The following FHIP1A variants were observed in gnomAD, a reference collection of about 807,000 sequenced individuals.
FHIP1A encodes FHF complex subunit HOOK-interacting protein 1A.
Under a neutral mutation model 88.6 loss-of-function variants are expected in FHIP1A, and 61 were observed. The ratio of observed to expected loss-of-function variants is 0.69; its 90% confidence interval spans 0.56 to 0.85. FHIP1A has a LOEUF of 0.85. Among genes scored for constraint, FHIP1A ranks in the 40% least tolerant of loss-of-function variants. The probability of loss-of-function intolerance (pLI) is 0.00; values close to 1 mark genes in which losing one functional copy is unlikely to be tolerated. For missense variants in FHIP1A, 1,154 were observed against 1,273.5 expected (o/e 0.91, Z 1.43); for synonymous variants, 478 against 496.0 (o/e 0.96, Z 0.48).
intron 3 of FHIP1A, among the ~76,000 whole-genome samples, chr4:151,518,180 C>T (rs550197828): frequency 2.0e-5 from 3 of 152,078 alleles, no homozygotes; most frequent in Non-Finnish European, 4.4e-5. Flanking sequence ...TTTTATTTTT[C>T]ATACTGTGTT....
At chr4:151,563,094 G>A (rs2126766357) in intron 3 of FHIP1A, among the ~76,000 whole-genome samples, 1 of 151,920 alleles carries the variant, frequency 6.6e-6, no homozygotes, top group South Asian at 2.1e-4. Flanking sequence ...CCTTATTGAT[G>A]GAAAGTATTT....
At chr4:151,494,342 T>C (rs1386667329) in intron 3 of FHIP1A, among the ~76,000 whole-genome samples, 1 of 152,192 alleles carries the variant, frequency 6.6e-6, no homozygotes, top group Non-Finnish European at 1.5e-5. Flanking sequence ...TTGAGTTGAT[T>C]TTTGTATATG....
At chr4:151,546,294 C>T (rs1428214005) in intron 3 of FHIP1A, among the ~76,000 whole-genome samples, 1 of 152,164 alleles carries the variant, frequency 6.6e-6, no homozygotes, top group East Asian at 1.9e-4. Flanking sequence ...AGGCCTTTGG[C>T]CTTAGACTAA....
chr4:151,421,190 G>A (rs1051680099), intron 1 of FHIP1A, among the ~76,000 whole-genome samples: 4 of 152,152 alleles, frequency 2.6e-5, no homozygotes, highest in African/African-American at 9.7e-5. Flanking sequence ...TTGAACAATG[G>A]TGAAGGAGAT....
At position 151,515,311 on chromosome 4, in the gene FHIP1A, A is replaced by G. The variant is rs1286323504; in HGVS notation, c.-123+32663A>G. Among the ~76,000 whole-genome samples the G allele has an allele frequency of 3.3e-5, 5 of 151,496 alleles. No individual in the cohort carries two copies. The East Asian group carries it at 5.8e-4, about 18-fold the overall frequency. On this transcript the variant is annotated intron_variant, in intron 3 of 13. Coordinates refer to ENST00000435205, the MANE Select transcript of FHIP1A (RefSeq NM_001109977.3). The stretch of plus-strand genomic sequence containing the variant: ...TATTGATGGGACATATCTCAAAATA[A>G]TAAGAGCTATCTATGACAAACCCAC...
intron 3 of FHIP1A, among the ~76,000 whole-genome samples, chr4:151,550,272 A>G (rs1211469999): frequency 6.6e-6 from 1 of 152,132 alleles, no homozygotes; most frequent in Non-Finnish European, 1.5e-5. Flanking sequence ...AAAATGCACA[A>G]TTAAGTTATT....
chr4:151,477,206 T>C (rs1729738348), intron 2 of FHIP1A, among the ~76,000 whole-genome samples: 2 of 152,178 alleles, frequency 1.3e-5, no homozygotes, highest in African/African-American at 2.4e-5. Context: ...TCTACAATAA[T>C]TGAAACATTG....
chr4:151,480,447 T>G (rs1349916569), intron 2 of FHIP1A, among the ~76,000 whole-genome samples: 1 of 152,056 alleles, frequency 6.6e-6, no homozygotes, highest in East Asian at 1.9e-4. Context: ...GAGAAAAGGC[T>G]TGAAATCACC....
At chr4:151,591,215 T>C (rs1734414152) in intron 7 of FHIP1A, among the ~76,000 whole-genome samples, 2 of 152,060 alleles carry the variant, frequency 1.3e-5, no homozygotes, top group South Asian at 2.1e-4. Flanking sequence ...AGCCATTTCA[T>C]GAGTGGCAGG....
intron 5 of FHIP1A, among the ~76,000 whole-genome samples, chr4:151,581,325 A>T (rs575210141): frequency 3.1e-4 from 47 of 152,298 alleles, no homozygotes; most frequent in African/African-American, 1.0e-3. Context: ...ATGAGATTGG[A>T]GTAGGGTGCA....
chr4:151,512,910 T>C (rs11099821), intron 3 of FHIP1A, among the ~76,000 whole-genome samples: 2 of 151,972 alleles, frequency 1.3e-5, no homozygotes, highest in Admixed American at 1.3e-4. Flanking sequence ...TTTCCCAATC[T>C]AGCAAGGCAG....
At chr4:151,545,344 C>G (rs148267219) in intron 3 of FHIP1A, among the ~76,000 whole-genome samples, 1 of 148,122 alleles carries the variant, frequency 6.8e-6, no homozygotes, top group Non-Finnish European at 1.5e-5. Flanking sequence ...CTAAAATTTC[C>G]AAGGCAAAAT....
At chr4:151,521,977 C>T (rs1051939055) in intron 3 of FHIP1A, among the ~76,000 whole-genome samples, 8 of 152,282 alleles carry the variant, frequency 5.3e-5, no homozygotes, top group Admixed American at 4.6e-4. Flanking sequence ...CCTCCCACTT[C>T]GACCTCCCAA....
chr4:151,444,237 C>T (rs1257290046), intron 1 of FHIP1A, among the ~76,000 whole-genome samples: 2 of 152,052 alleles, frequency 1.3e-5, no homozygotes, highest in East Asian at 1.9e-4. Flanking sequence ...GATGTTTCTC[C>T]CTGCATTAGG....
Position 151,566,303 on chromosome 4 carries a change from T to A in FHIP1A, c.44T>A (p.Val15Glu). 1.9e-6 allele frequency: 3 copies of A among 1,550,904 alleles called. No individual in the cohort carries two copies. Among genetic ancestry groups the A allele is most frequent in the Non-Finnish European group, 2.6e-6 (3 of 1,146,362 alleles). Residue 15 changes from valine (V) to glutamate (E), a missense_variant, in exon 4 of 14, where the codon GTG (valine) becomes GAG (glutamate). Transcript: ENST00000435205. ...ACAGAAAGCAAACTCCAGCAGGCTG[T>A]GAGCCTACAGGGAGTTGACCCAGAA... ...VSTESKLQQA[V>E]SLQGVDPETC...
At chr4:151,501,756 A>G (rs1730655623) in intron 3 of FHIP1A, among the ~76,000 whole-genome samples, 1 of 144,262 alleles carries the variant, frequency 6.9e-6, no homozygotes, top group Admixed American at 6.9e-5. Context: ...TCCTTTGCTT[A>G]TTTTTTAATT....
intron 3 of FHIP1A, among the ~76,000 whole-genome samples, chr4:151,495,838 G>C (rs1727460407): frequency 6.6e-6 from 1 of 151,988 alleles, no homozygotes. Context: ...GGCCAGGGTG[G>C]TGTTGAACTC....
intron 7 of FHIP1A, among the ~76,000 whole-genome samples, chr4:151,596,762 T>C (rs1254741896): frequency 1.3e-5 from 2 of 152,244 alleles, no homozygotes; most frequent in Admixed American, 1.3e-4. Context: ...TCATGCTTTA[T>C]TTCATTAAGT....
chr4:151,582,613 C>G (rs1008991708), intron 5 of FHIP1A, among the ~76,000 whole-genome samples: 1 of 152,090 alleles, frequency 6.6e-6, no homozygotes, highest in South Asian at 2.1e-4. Flanking sequence ...GCTTTTTTGT[C>G]TGTTGTTATC....
Sources: allele counts gnomAD v4.1 joint callset (sites outside exome capture counted in the v4.1 genomes callset), GRCh38; gene constraint gnomAD v4.1.1; transcripts MANE v1.5; gene names NCBI Gene and HGNC (gene_info 2026-07-23, HGNC 2026-07-21).